The following FMN1 variants were observed in gnomAD, a reference collection of about 807,000 sequenced individuals.
FMN1 encodes the protein formin 1, also known as formin-1.
A neutral mutation model predicts 132.4 loss-of-function variants in FMN1; 110 were observed. The observed-to-expected ratio is 0.83, with a 90% CI of 0.71 to 0.97. The LOEUF is 0.97. Among genes scored for constraint, FMN1 ranks in the 50% least tolerant of loss-of-function variants. The pLI is 0.00. For synonymous variants in FMN1, 722 were observed against 651.7 expected (o/e 1.11, Z -1.64); for missense variants, 1,792 against 1,705.3 (o/e 1.05, Z -0.90).
At chr15:32,819,699 AG>A (rs2058157754) in intron 17 of FMN1, among the ~76,000 whole-genome samples, 1 of 152,224 alleles carries the variant, frequency 6.6e-6, no homozygotes, top group Admixed American at 6.5e-5. Flanking sequence ...CCAAAGCAGA[AG>A]AAAAATATGG....
chr15:33,041,667 T>C (rs2036445784), intron 6 of FMN1, among the ~76,000 whole-genome samples: 1 of 151,892 alleles, frequency 6.6e-6, no homozygotes, highest in African/African-American at 2.4e-5. Flanking sequence ...AACCACATCA[T>C]CTCATACCCA....
intron 7 of FMN1, among the ~76,000 whole-genome samples, chr15:32,988,070 T>TTTC (rs2033192053): frequency 9.7e-6 from 1 of 103,150 alleles, no homozygotes; most frequent in African/African-American, 3.4e-5. Flanking sequence ...TTTTTTTTTT[T>TTTC]CTTTTTTTAG....
chr15:32,963,657 A>G (rs1193425404), intron 9 of FMN1, among the ~76,000 whole-genome samples: 1 of 152,238 alleles, frequency 6.6e-6, no homozygotes, highest in Non-Finnish European at 1.5e-5. Context: ...TACTTGTTAA[A>G]TGAATGAATT....
chr15:33,177,083 G>A (rs56168838), intron 3 of FMN1, among the ~76,000 whole-genome samples: 28,169 of 152,166 alleles, frequency 0.19, 3,454 homozygotes, highest in African/African-American at 0.33. Context: ...AGAAAAGCCT[G>A]TGAAGTAGGT....
chr15:33,013,415 AAAAG>A (rs1307294256), intron 6 of FMN1, among the ~76,000 whole-genome samples: 1 of 152,360 alleles, frequency 6.6e-6, no homozygotes, highest in African/African-American at 2.4e-5. Context: ...TATTTTTAAA[AAAAG>A]AAAGACTAGC....
chr15:32,994,234 A>C (rs62001485), intron 7 of FMN1, among the ~76,000 whole-genome samples: 1 of 31,528 alleles, frequency 3.2e-5, no homozygotes, highest in Non-Finnish European at 9.6e-5. Flanking sequence ...TCTCTCTCTC[A>C]CACACACACA....
chr15:33,028,219 T>C (rs926904729), intron 6 of FMN1, among the ~76,000 whole-genome samples: 2 of 152,350 alleles, frequency 1.3e-5, no homozygotes, highest in South Asian at 2.1e-4. Flanking sequence ...GTGACTCTGA[T>C]AGACATCCAA....
At chr15:33,029,301 T>G (rs1217770815) in intron 6 of FMN1, among the ~76,000 whole-genome samples, 2 of 151,676 alleles carry the variant, frequency 1.3e-5, no homozygotes, top group African/African-American at 2.4e-5. Context: ...AGAGCACAGG[T>G]CTCCTGACCT....
intron 4 of FMN1, among the ~76,000 whole-genome samples, chr15:33,127,113 G>C (rs1047945387): frequency 3.3e-5 from 5 of 152,166 alleles, no homozygotes; most frequent in African/African-American, 1.2e-4. Context: ...TGATGAACGA[G>C]ATAGCATCCT....
chr15:32,833,437 C>A (rs1486629191), intron 17 of FMN1, among the ~76,000 whole-genome samples: 1 of 152,116 alleles, frequency 6.6e-6, no homozygotes, highest in Admixed American at 6.5e-5. Context: ...ATCAAAACAG[C>A]CCCAGCATCC....
chr15:32,887,460 T>C (rs1175538352), intron 16 of FMN1, among the ~76,000 whole-genome samples: 1 of 152,212 alleles, frequency 6.6e-6, no homozygotes, highest in African/African-American at 2.4e-5. Flanking sequence ...AAGTGAGACA[T>C]ATTTTCACCT....
chr15:32,975,574 C>T (rs1350839498), intron 7 of FMN1, among the ~76,000 whole-genome samples: 1 of 152,148 alleles, frequency 6.6e-6, no homozygotes, highest in East Asian at 1.9e-4. Flanking sequence ...AAACACTCTT[C>T]TGATCTCTTT....
At chr15:33,123,864 G>A (rs1962796584) in intron 4 of FMN1, among the ~76,000 whole-genome samples, 1 of 152,144 alleles carries the variant, frequency 6.6e-6, no homozygotes, top group Admixed American at 6.5e-5. Flanking sequence ...AAAAGTCCAG[G>A]ATTACAGGCA....
At chr15:33,029,653 G>A (rs570567884) in intron 6 of FMN1, among the ~76,000 whole-genome samples, 13 of 152,148 alleles carry the variant, frequency 8.5e-5, no homozygotes, top group Admixed American at 6.5e-4. Flanking sequence ...AAGGCAATGG[G>A]GTAAAGAAAT....
chr15:32,922,886 T>A (rs939173949), intron 10 of FMN1, among the ~76,000 whole-genome samples: 1 of 152,212 alleles, frequency 6.6e-6, no homozygotes, highest in African/African-American at 2.4e-5. Flanking sequence ...GTGCTTATTA[T>A]GCATATGCCG....
At chr15:33,022,005 A>G (rs892897911) in intron 6 of FMN1, among the ~76,000 whole-genome samples, 1 of 152,216 alleles carries the variant, frequency 6.6e-6, no homozygotes, top group African/African-American at 2.4e-5. Flanking sequence ...CAGTCACAAT[A>G]AAGTCATCCC....
chr15:33,142,200 T>C (rs1422470242), intron 4 of FMN1, among the ~76,000 whole-genome samples: 3 of 152,206 alleles, frequency 2.0e-5, no homozygotes, highest in Admixed American at 6.5e-5. Flanking sequence ...CTATTTCTAA[T>C]GTAGCCTGAC....
At position 33,069,991 on chromosome 15, in the gene FMN1, C is replaced by CTTTTTTTTTTTTTTTTTTTTTT. The variant is rs1566888327; in HGVS notation, c.2044-4918_2044-4917insAAAAAAAAAAAAAAAAAAAAAA. 5.0e-5 allele frequency among the ~76,000 whole-genome samples: 3 copies of CTTTTTTTTTTTTTTTTTTTTTT among 59,554 alleles called. 1 individual carries two copies. The highest frequency in any genetic ancestry group is 1.0e-4 in the Non-Finnish European group (3 of 29,152). 39.1% of individuals were successfully genotyped at this position (59,554 alleles called of 152,430 possible). A position where few individuals can be genotyped will look rare whatever the true frequency, so the allele number is the denominator to read the frequency against. The stretch of plus-strand genomic sequence containing the variant: ...ACAACAGATCATAAGATCAGTCTTT[C>CTTTTTTTTTTTTTTTTTTTTTT]TCTTTTTTTTTTTTTTTTTTTTTTT... On this transcript the variant is annotated intron_variant, in intron 5 of 20. Coordinates refer to ENST00000616417, the MANE Select transcript of FMN1 (RefSeq NM_001277313.2).
intron 16 of FMN1, among the ~76,000 whole-genome samples, chr15:32,858,034 T>G (rs1031592279): frequency 2.0e-5 from 3 of 152,200 alleles, no homozygotes; most frequent in African/African-American, 7.2e-5. Context: ...CAAAAGCCTA[T>G]TAATAAAGCA....
Sources: allele counts gnomAD v4.1 joint callset (sites outside exome capture counted in the v4.1 genomes callset), GRCh38; gene constraint gnomAD v4.1.1; transcripts MANE v1.5; gene names NCBI Gene and HGNC (gene_info 2026-07-23, HGNC 2026-07-21).